ACOXL: variants seen among roughly 807,000 people sequenced by gnomAD.
ACOXL encodes the protein acyl-CoA oxidase like.
Under a neutral mutation model 71.9 loss-of-function variants are expected in ACOXL, and 70 were observed. The ratio of observed to expected loss-of-function variants is 0.97; its 90% CI spans 0.80 to 1.19. ACOXL has a LOEUF of 1.19. Ranked by LOEUF, ACOXL falls within the 50% of genes most tolerant of loss-of-function variation. ACOXL has a pLI of 0.00. For synonymous variants in ACOXL, 253 were observed against 281.6 expected (o/e 0.90, Z 1.02); for missense variants, 703 against 736.3 (o/e 0.95, Z 0.52).
chr2:110,796,284 A>G (rs1685269375), intron 5 of ACOXL: 1 of 152,198 alleles, frequency 6.6e-6, no homozygotes, highest in African/African-American at 2.4e-5. Flanking sequence ...AGAGAGTTTT[A>G]TTTTTATACT....
At chr2:110,888,488 A>C (rs1404468255) in intron 10 of ACOXL, among the ~76,000 whole-genome samples, 1 of 150,394 alleles carries the variant, frequency 6.6e-6, no homozygotes, top group Admixed American at 6.6e-5. Context: ...ACTTAAACAC[A>C]ACACTCCATG....
intron 3 of ACOXL, 97 bp downstream of exon 3, chr2:110,784,912 A>G (rs1452725656): frequency 5.4e-6 from 6 of 1,106,600 alleles, no homozygotes; most frequent in Non-Finnish European, 7.5e-6. Context: ...CAGTCTATGT[A>G]GTGGCACAGG....
intron 16 of ACOXL, among the ~76,000 whole-genome samples, chr2:111,092,400 G>T (rs1384926066): frequency 6.6e-6 from 1 of 152,184 alleles, no homozygotes; most frequent in Non-Finnish European, 1.5e-5. Context: ...GAAACAAAAT[G>T]TAAATGAGGA....
At chr2:110,802,220 C>A (rs1280240943) in intron 8 of ACOXL, among the ~76,000 whole-genome samples, 1 of 151,996 alleles carries the variant, frequency 6.6e-6, no homozygotes, top group Non-Finnish European at 1.5e-5. Context: ...TTTCCTTCCC[C>A]CCCCTGCCAT....
intron 17 of ACOXL, among the ~76,000 whole-genome samples, chr2:111,107,606 A>G (rs2069635904): frequency 6.6e-6 from 1 of 152,162 alleles, no homozygotes. Flanking sequence ...CTCTTGCCTC[A>G]GTCTCCCAAG....
At chr2:110,894,404 C>T (rs1192618752) in intron 10 of ACOXL, among the ~76,000 whole-genome samples, 1 of 151,188 alleles carries the variant, frequency 6.6e-6, no homozygotes, top group African/African-American at 2.4e-5. Flanking sequence ...CCCACCAAGA[C>T]AGAAAACTTT....
At chr2:111,039,536 C>G (rs2065677426) in intron 15 of ACOXL, among the ~76,000 whole-genome samples, 2 of 152,194 alleles carry the variant, frequency 1.3e-5, no homozygotes, top group Non-Finnish European at 1.5e-5. Context: ...GAGGTTTTCA[C>G]CAGTATTTCA....
rs778128967 is a variant in ACOXL, at chr2:110,995,961, A to T, written c.1238A>T (p.Glu413Val). 1.2e-6 allele frequency: 2 copies of T among 1,613,270 alleles called. No individual in the cohort carries two copies. The highest frequency in any genetic ancestry group is 8.5e-7 in the Non-Finnish European group (1 of 1,179,980). The change falls in exon 14 of 18, where the codon GAA becomes GTA. Residue 413 changes from glutamate to valine, a missense_variant. Coordinates refer to ENST00000439055, the MANE Select transcript of ACOXL (RefSeq NM_001142807.4). Reference protein sequence around the residue: ...AFLLKAVKFRERVLQRGLVAR... With the variant: ...AFLLKAVKFRVRVLQRGLVAR... ...CTGTTGAAAGCAGTGAAATTTCGTG[A>T]AAGGGTTCTTCAGCGGGGTTTGGTG... is the stretch of plus-strand genomic sequence containing the variant.
At chr2:111,049,854 C>T (rs1381711664) in intron 16 of ACOXL, among the ~76,000 whole-genome samples, 3 of 144,652 alleles carry the variant, frequency 2.1e-5, no homozygotes, top group African/African-American at 5.2e-5. Flanking sequence ...GGAGCAGAGG[C>T]ATTTCCAAAT....
intron 8 of ACOXL, 53 bp from the exon 9 acceptor site, chr2:110,805,210 C>T: frequency 6.2e-7 from 1 of 1,602,960 alleles, no homozygotes; most frequent in Admixed American, 1.7e-5. Context: ...GACTTCGTTT[C>T]TGGTGGTGCT....
intron 10 of ACOXL, among the ~76,000 whole-genome samples, chr2:110,892,119 TAAC>T (rs1304680955): frequency 1.3e-5 from 2 of 152,152 alleles, no homozygotes; most frequent in Non-Finnish European, 2.9e-5. Context: ...TTTGTAAAAA[TAAC>T]AAGAGTCAGG....
intron 10 of ACOXL, among the ~76,000 whole-genome samples, chr2:110,854,245 C>G (rs753434660): frequency 6.6e-6 from 1 of 152,162 alleles, no homozygotes; most frequent in African/African-American, 2.4e-5. Context: ...TTTGCAGGCA[C>G]ACAGTGGGTA....
intron 14 of ACOXL, among the ~76,000 whole-genome samples, chr2:111,025,333 T>A (rs2064969072): frequency 6.6e-6 from 1 of 152,240 alleles, no homozygotes; most frequent in African/African-American, 2.4e-5. Flanking sequence ...TTTGTTTATC[T>A]TGTGTAAATA....
chr2:110,942,732 A>G lies in ACOXL; in HGVS notation c.1059+9090A>G, dbSNP rs2060910904. Among the ~76,000 whole-genome samples the G allele has an allele frequency of 3.3e-5, 5 of 151,504 alleles. No individual in the cohort carries two copies. The South Asian group carries it at 1.0e-3, about 32-fold the overall frequency. On this transcript the variant is annotated intron_variant, in intron 12 of 17. Coordinates refer to ENST00000439055, the MANE Select transcript of ACOXL (RefSeq NM_001142807.4). Reference sequence around the variant, plus strand: ...GGTGAAACCCCATCTCTACTAAAAAAAAAAAAAAGTTAGCTGGGTGTGGTG... The same window carrying G: ...GGTGAAACCCCATCTCTACTAAAAAGAAAAAAAAGTTAGCTGGGTGTGGTG...
chr2:110,940,871 G>T (rs1287912061), intron 12 of ACOXL, among the ~76,000 whole-genome samples: 2 of 152,210 alleles, frequency 1.3e-5, no homozygotes, highest in Non-Finnish European at 1.5e-5. Context: ...TCTTAGCAGT[G>T]AGGTAGACAC....
chr2:111,056,316 A>G (rs2066534360), intron 16 of ACOXL, among the ~76,000 whole-genome samples: 1 of 152,018 alleles, frequency 6.6e-6, no homozygotes, highest in African/African-American at 2.4e-5. Context: ...AGCCCGGGAT[A>G]CTTCACTCTC....
At chr2:111,076,189 G>C (rs2067592223) in intron 16 of ACOXL, among the ~76,000 whole-genome samples, 1 of 152,126 alleles carries the variant, frequency 6.6e-6, no homozygotes, top group Admixed American at 6.6e-5. Context: ...TACTGAAAGA[G>C]TAAAGTGACA....
intron 14 of ACOXL, among the ~76,000 whole-genome samples, chr2:111,008,354 C>T (rs746526424): frequency 6.6e-6 from 1 of 152,204 alleles, no homozygotes; most frequent in Non-Finnish European, 1.5e-5. Flanking sequence ...TACCCCCTTT[C>T]CATCACTTCC....
intron 5 of ACOXL, among the ~76,000 whole-genome samples, chr2:110,797,607 C>T (rs1286254997): frequency 6.6e-6 from 1 of 152,130 alleles, no homozygotes; most frequent in Non-Finnish European, 1.5e-5. Flanking sequence ...TCATTTAAAC[C>T]AAGATCCATG....
Sources: allele counts gnomAD v4.1 joint callset (sites outside exome capture counted in the v4.1 genomes callset), GRCh38; gene constraint gnomAD v4.1.1; transcripts MANE v1.5; gene names NCBI Gene and HGNC (gene_info 2026-07-23, HGNC 2026-07-21).